The following LUC7L variants were observed in gnomAD, a reference collection of about 807,000 sequenced individuals.
The protein encoded by LUC7L is LUC7 like.
Under a neutral mutation model 51.1 loss-of-function variants are expected in LUC7L, and 29 were observed. That is an observed-to-expected ratio of 0.57 (90% CI 0.42 to 0.77). The LOEUF (loss-of-function observed/expected upper bound fraction) is 0.77. LUC7L is among the 30% of genes least tolerant of loss of function. The pLI is 0.00. For synonymous variants in LUC7L, 181 were observed against 180.7 expected (o/e 1.00, Z -0.01); for missense variants, 403 against 511.9 (o/e 0.79, Z 2.05).
Position 190,022 on chromosome 16 carries a change from C to G in LUC7L, c.920G>C (p.Arg307Pro). The change falls in exon 9 of 10, where the codon CGG becomes CCG. Residue 307 changes from arginine to proline, a missense_variant. Physicochemically the swap from Arg to Pro is moderately radical, Grantham distance 103. Around this residue, in one of 3 missense-constraint regions of LUC7L, gnomAD observed 206 missense variants for 218.3 expected, o/e 0.94. Coordinates refer to ENST00000293872, the MANE Select transcript of LUC7L (RefSeq NM_201412.3). ...DRHRRHRSRS[R>P]SHSRGHRRAS... The stretch of plus-strand genomic sequence containing the variant: ...CCGACGATGTCCCCGGCTGTGGCTC[C>G]GGGAACGGCTGCGGTGGCGCCGATG... 1 of 1,613,992 alleles carries G rather than the reference C, an allele frequency of 6.2e-7. No homozygotes were observed. Among genetic ancestry groups the G allele is most frequent in the Non-Finnish European group, 8.5e-7 (1 of 1,179,974 alleles).
chr16:228,734 T>C (rs1336309558), intron 1 of LUC7L: 4 of 1,242,652 alleles, frequency 3.2e-6, no homozygotes, highest in Non-Finnish European at 4.1e-6. Flanking sequence ...ACACAGAGGC[T>C]CTCCTGTGTG....
Position 192,913 on chromosome 16 carries a change from G to A in LUC7L, c.776+14C>T, listed in dbSNP as rs991227854. ...GGCCAATGCAGGCCATCCAGTGCCAGCCCTCAGGCTCACCTCCTGCTCAGA... is the reference window on the plus strand; with the variant it reads ...GGCCAATGCAGGCCATCCAGTGCCAACCCTCAGGCTCACCTCCTGCTCAGA... On this transcript the variant is annotated intron_variant, in intron 7 of 9. Coordinates refer to ENST00000293872, the MANE Select transcript of LUC7L (RefSeq NM_201412.3). 1.9e-6 allele frequency: 3 copies of A among 1,608,820 alleles called. No homozygotes were observed. Among genetic ancestry groups the A allele is most frequent in the Admixed American group, 3.3e-5 (2 of 59,994 alleles).
chr16:207,015 C>G (rs1025178670), intron 4 of LUC7L, among the ~76,000 whole-genome samples: 12 of 150,840 alleles, frequency 8.0e-5, no homozygotes, highest in Admixed American at 6.6e-5. Context: ...CTGGCTAACA[C>G]AGTGAAACCC....
rs752951900 is a variant in LUC7L, at chr16:189,336, G to A, written c.978C>T (p.Phe326=). 1 of 1,607,534 alleles carries A rather than the reference G, an allele frequency of 6.2e-7. No homozygotes were observed. The highest frequency in any genetic ancestry group is 1.3e-5 in the African/African-American group (1 of 74,818). Residue 326 remains phenylalanine, a synonymous_variant, in exon 10 of 10, where the codon TTC becomes TTT. Transcript: ENST00000293872. ...CCTCTCTGGATGCCCGCTCTCTGGA[G>A]AACCTGGGAAATGGGAACCAGAGGC... ...ASRDRSAKYK[F]SRERASREES...
intron 5 of LUC7L, among the ~76,000 whole-genome samples, chr16:203,710 C>T (rs1170211725): frequency 1.4e-4 from 7 of 50,570 alleles, no homozygotes; most frequent in African/African-American, 3.4e-4. Context: ...CGTCTCAGGG[C>T]GGGGGGCGGG....
At chr16:223,177 G>A (rs1307101218) in intron 2 of LUC7L, among the ~76,000 whole-genome samples, 1 of 151,166 alleles carries the variant, frequency 6.6e-6, no homozygotes, top group African/African-American at 2.4e-5. Context: ...GGCCAACACA[G>A]TGAAACCCCT....
intron 7 of LUC7L, 57 bp from the exon 8 acceptor site, chr16:190,627 C>G (rs1293279735): frequency 1.3e-6 from 2 of 1,541,136 alleles, no homozygotes; most frequent in Non-Finnish European, 1.8e-6. Context: ...CACCTGTAAT[C>G]CCAGCACTTC....
chr16:197,590 C>G (rs937225497), intron 6 of LUC7L, among the ~76,000 whole-genome samples: 4 of 152,208 alleles, frequency 2.6e-5, no homozygotes, highest in Non-Finnish European at 5.9e-5. Flanking sequence ...TCAAAATTCT[C>G]TCGGGAACAC....
chr16:224,118 C>T (rs2050055742), intron 2 of LUC7L, among the ~76,000 whole-genome samples: 1 of 152,106 alleles, frequency 6.6e-6, no homozygotes, highest in South Asian at 2.1e-4. Flanking sequence ...AAAGAAAAAG[C>T]TACTACCAAA....
At chr16:220,603 T>C (rs754383911) in intron 3 of LUC7L, 46 bp downstream of exon 3, 11 of 1,384,890 alleles carry the variant, frequency 7.9e-6, no homozygotes, top group South Asian at 1.2e-5. Flanking sequence ...TAGTTCAATA[T>C]TGGGTTCTTC....
intron 5 of LUC7L, among the ~76,000 whole-genome samples, chr16:203,416 A>C (rs970724695): frequency 1.1e-4 from 16 of 152,162 alleles, no homozygotes; most frequent in Admixed American, 1.0e-3. Context: ...TAAAGGTATT[A>C]CAAGAGGCCA....
intron 5 of LUC7L, among the ~76,000 whole-genome samples, chr16:200,392 A>G (rs1233972409): frequency 1.3e-5 from 2 of 150,674 alleles, no homozygotes; most frequent in African/African-American, 2.4e-5. Context: ...CCACTGGGCG[A>G]AAGAGCGAGA....
chr16:193,362 G>A (rs577545182), intron 6 of LUC7L, among the ~76,000 whole-genome samples: 2 of 151,950 alleles, frequency 1.3e-5, no homozygotes, highest in East Asian at 3.9e-4. Flanking sequence ...GGCCAGGATG[G>A]TCTTGATCTC....
In LUC7L at chr16:223,351, AAAAAT is replaced by A. The variant is rs529128426; in HGVS notation, c.157-2609_157-2605del. On this transcript the variant is annotated intron_variant, in intron 2 of 9. Coordinates refer to ENST00000293872, the MANE Select transcript of LUC7L (RefSeq NM_201412.3). ...GCGACAGAGCGAGACTCCGTCTCAA[AAAAAT>A]AAAATAAAATAAAATAATAGATAAA... Among the ~76,000 whole-genome samples, 6 of 152,246 alleles carry A rather than the reference AAAAAT, an allele frequency of 3.9e-5. No individual in the cohort carries two copies. In the East Asian group the frequency reaches 5.8e-4, roughly 15 times the overall value.
At chr16:199,322 A>G in intron 5 of LUC7L, 84 bp from the exon 6 acceptor site, 1 of 868,930 alleles carries the variant, frequency 1.2e-6, no homozygotes, top group Non-Finnish European at 1.8e-6. Context: ...AATATTTGAT[A>G]AGATGACAGA....
chr16:220,865 C>A (rs113207608), intron 2 of LUC7L, 118 bp from the exon 3 acceptor site: 11 of 668,822 alleles, frequency 1.6e-5, no homozygotes, highest in African/African-American at 1.6e-4. Flanking sequence ...AACACTGACA[C>A]TGCAATAAGA....
chr16:219,294 C>T (rs1409808234), intron 3 of LUC7L, among the ~76,000 whole-genome samples: 1 of 152,086 alleles, frequency 6.6e-6, no homozygotes, highest in Non-Finnish European at 1.5e-5. Context: ...GAGGCTAAGG[C>T]AGGAGAATCA....
At chr16:227,740 C>A in intron 1 of LUC7L, 1 of 1,012,096 alleles carries the variant, frequency 9.9e-7, no homozygotes, top group Non-Finnish European at 1.2e-6. Context: ...ACTTATTAAT[C>A]TAATCTTTTT....
intron 6 of LUC7L, among the ~76,000 whole-genome samples, chr16:194,220 T>G (rs138235914): frequency 1.3e-3 from 204 of 152,148 alleles, no homozygotes; most frequent in African/African-American, 4.6e-3. Flanking sequence ...CCTCTTTAGC[T>G]CCGCCTCCTG....
Sources: gnomAD v4.1 joint callset for allele counts (sites outside exome capture counted in the v4.1 genomes callset) on GRCh38, gnomAD v4.1.1 for gene constraint, gnomAD v4.1.1 regional missense constraint, MANE v1.5 for transcripts, NCBI Gene and HGNC (gene_info 2026-07-23, HGNC 2026-07-21) for gene names.